Variants in GNL3 observed in about 807,000 individuals in gnomAD.
The protein encoded by GNL3 is G protein nucleolar 3.
GNL3 carries 77 observed loss-of-function variants against 70.6 expected under a neutral mutation model. The observed-to-expected ratio is 1.09, with a 90% CI of 0.91 to 1.32. GNL3 has a LOEUF of 1.32. Among genes scored for constraint, GNL3 ranks in the 40% most tolerant of loss-of-function variants. The pLI, the probability that GNL3 is intolerant of heterozygous loss-of-function variation, is 0.00. For synonymous variants in GNL3, 252 were observed against 216.1 expected (o/e 1.17, Z -1.46); for missense variants, 634 against 644.0 (o/e 0.98, Z 0.17).
Position 52,686,799 on chromosome 3 carries a change from G to T in GNL3, c.44G>T (p.Cys15Phe). The T allele has an allele frequency of 6.2e-7, 1 of 1,612,604 alleles. No homozygotes were observed. Among genetic ancestry groups the T allele is most frequent in the Non-Finnish European group, 8.5e-7 (1 of 1,178,598 alleles). The change falls in exon 2 of 15, where the codon TGC becomes TTC. Residue 15 changes from cysteine (C) to phenylalanine (F), a missense_variant. Transcript: ENST00000418458. ...KLKKASKRMT[C>F]HKRYKIQKKV... ...AAGAAAGCAAGTAAACGCATGACCT[G>T]CCATAAGCGGTATAAAATCCAAAAA...
chr3:52,687,077 C>A, intron 2 of GNL3, 169 bp from the exon 3 acceptor site: 2 of 648,066 alleles, frequency 3.1e-6, no homozygotes, highest in South Asian at 2.0e-5. Flanking sequence ...CAATTTCTTG[C>A]TGTTTTATAC....
intron 9 of GNL3, among the ~76,000 whole-genome samples, chr3:52,691,952 C>T (rs1425624719): frequency 1.3e-5 from 2 of 152,094 alleles, no homozygotes; most frequent in African/African-American, 2.4e-5. Flanking sequence ...CTGCCCGCCT[C>T]GGCCTCCCAA....
At position 52,688,144 on chromosome 3, in the gene GNL3, G is replaced by A; in HGVS notation, c.360G>A (p.Lys120=). The A allele has an allele frequency of 6.2e-7, 1 of 1,612,120 alleles. No individual in the cohort carries two copies. Residue 120 remains lysine, a synonymous_variant, in exon 5 of 15, where the codon AAG becomes AAA. Transcript: ENST00000418458. ...FGLCKTENKA[K]SGKQNSKKLY... ...TTTGCAAAACTGAGAACAAAGCCAA[G>A]TCGGGCAAACAGAATTCAAAGAAGC...
chr3:52,686,301 A>G (rs1283608183), intron 1 of GNL3, 196 bp downstream of exon 1: 3 of 627,116 alleles, frequency 4.8e-6, no homozygotes, highest in Non-Finnish European at 8.4e-6. Context: ...GCGCGGGCTC[A>G]TTCTGCGGAA....
At chr3:52,687,696 A>G (rs2097322750) in intron 4 of GNL3, 81 bp downstream of exon 4, 1 of 791,494 alleles carries the variant, frequency 1.3e-6, no homozygotes, top group Non-Finnish European at 2.1e-6. Context: ...GCAGTGGCAC[A>G]ATCACAACTC....
intron 2 of GNL3, 121 bp downstream of exon 2, chr3:52,686,948 G>T: frequency 2.8e-6 from 2 of 713,610 alleles, no homozygotes; most frequent in East Asian, 2.7e-5. Context: ...TGGATAGACT[G>T]ACCATGGGCA....
At position 52,694,279 on chromosome 3, in the gene GNL3, A is replaced by C. The variant is rs2097330558; in HGVS notation, c.*4A>C. 3 of 1,451,342 alleles carry C rather than the reference A, an allele frequency of 2.1e-6. No individual in the cohort carries two copies. The highest frequency in any genetic ancestry group is 2.9e-6 in the Non-Finnish European group (3 of 1,047,442). The allele number at this position is 1,451,342 out of a possible 1,614,324, so 89.9% of individuals were successfully genotyped here. A position where few individuals can be genotyped will look rare whatever the true frequency, so the allele number is the denominator to read the frequency against. ...CTTCAGTACAGATTATGTGTAACAGAACAATGGCTTTTTATGATTTTTTTT... is the reference window on the plus strand; with the variant it reads ...CTTCAGTACAGATTATGTGTAACAGCACAATGGCTTTTTATGATTTTTTTT... On this transcript the variant is annotated 3_prime_UTR_variant, in exon 15 of 15. Transcript: ENST00000418458.
Position 52,692,976 on chromosome 3 carries a change from C to T in GNL3, c.974C>T (p.Pro325Leu), listed in dbSNP as rs552925568. ...NSSSALALRS[P>L]ASIEVVKPME... Reference sequence around the variant, plus strand: ...TCCTCTGCGCTTGCTCTGCGAAGTCCAGCAAGTATTGAAGTAGTAAAACCG... The same window carrying T: ...TCCTCTGCGCTTGCTCTGCGAAGTCTAGCAAGTATTGAAGTAGTAAAACCG... Residue 325 changes from proline to leucine, a missense_variant, in exon 10 of 15, where the codon CCA (proline) becomes CTA (leucine). Physicochemically the swap from Pro to Leu is moderately conservative, Grantham distance 98. Coordinates refer to ENST00000418458, the MANE Select transcript of GNL3 (RefSeq NM_014366.5). 6.2e-7 allele frequency: 1 copy of T among 1,613,990 alleles called. No homozygotes were observed. The highest frequency in any genetic ancestry group is 1.3e-5 in the African/African-American group (1 of 75,036).
At position 52,686,091 on chromosome 3, in the gene GNL3, A is replaced by C. The variant is rs1247340002; in HGVS notation, c.-2A>C. The C allele has an allele frequency of 7.0e-7, 1 of 1,434,216 alleles. No homozygotes were observed. Among genetic ancestry groups the C allele is most frequent in the African/African-American group, 1.4e-5 (1 of 71,614 alleles). The allele number at this position is 1,434,216 out of a possible 1,614,324, so 88.8% of individuals were successfully genotyped here. A position where few individuals can be genotyped will look rare whatever the true frequency, so the allele number is the denominator to read the frequency against. ...GTGTTTGTGCTTCCTTCTACAGCCA[A>C]TATGAAAAGGCCTAGTAAGTGGGGT... On this transcript the variant is annotated 5_prime_UTR_variant, in exon 1 of 15. Transcript: ENST00000418458.
In GNL3 at chr3:52,693,617, T is replaced by C. The variant is rs2097329630; in HGVS notation, c.1325-15T>C. ...GAGCTCTTACCTGTTTACATGGGCT[T>C]GCTTTCTTTCCCAGCCATCAAGGGC... On this transcript the variant is annotated splice_polypyrimidine_tract_variant and intron_variant, in intron 12 of 14. Coordinates refer to ENST00000418458, the MANE Select transcript of GNL3 (RefSeq NM_014366.5). 6.2e-7 allele frequency: 1 copy of C among 1,613,782 alleles called. No homozygotes were observed. The highest frequency in any genetic ancestry group is 2.2e-5 in the East Asian group (1 of 44,894).
rs2097323093 is a variant in GNL3 at position 52,687,753 on chromosome 3, C to T, written c.324+138C>T. 5 of 623,726 alleles carry T rather than the reference C, an allele frequency of 8.0e-6. No homozygotes were observed. In the East Asian group the frequency reaches 1.4e-4, roughly 17 times the overall value. The allele number at this position is 623,726 out of a possible 1,614,324, so 38.6% of individuals were successfully genotyped here. A position where few individuals can be genotyped will look rare whatever the true frequency, so the allele number is the denominator to read the frequency against. On this transcript the variant is annotated intron_variant, in intron 4 of 14. Coordinates refer to ENST00000418458, the MANE Select transcript of GNL3 (RefSeq NM_014366.5). ...GCTCAAGCAGTCTTACCACCTCAGT[C>T]TCCAAGTAGCTGGGACTACAGAAGC...
intron 9 of GNL3, among the ~76,000 whole-genome samples, chr3:52,692,232 T>C (rs899867172): frequency 2.6e-5 from 4 of 152,134 alleles, no homozygotes; most frequent in African/African-American, 9.7e-5. Context: ...GTATTTTTAA[T>C]AGAGATGGGG....
chr3:52,689,858 A>C (rs1472243481), intron 6 of GNL3, among the ~76,000 whole-genome samples: 1 of 152,186 alleles, frequency 6.6e-6, no homozygotes, highest in Admixed American at 6.5e-5. Flanking sequence ...AGGCTGAGGC[A>C]GGAGAATTGC....
Position 52,694,059 on chromosome 3 carries a change from C to T in GNL3, c.1523C>T (p.Ala508Val). The T allele has an allele frequency of 6.2e-7, 1 of 1,613,894 alleles. No individual in the cohort carries two copies. The highest frequency in any genetic ancestry group is 8.5e-7 in the Non-Finnish European group (1 of 1,179,750). Residue 508 changes from alanine (A) to valine (V), a missense_variant, in exon 14 of 15, where the codon GCT becomes GTT. By Grantham distance (64) the Ala-to-Val change is moderately conservative. Transcript: ENST00000418458. Reference sequence around the variant, plus strand: ...CAGGAAAACAGCTCAGGCATGTTTGCTGCAGAAGAGACAGGGGAGGCACTG... The same window carrying T: ...CAGGAAAACAGCTCAGGCATGTTTGTTGCAGAAGAGACAGGGGAGGCACTG... Reference protein sequence around the residue: ...EVDENSSGMFAAEETGEALSE... With the variant: ...EVDENSSGMFVAEETGEALSE...
Position 52,688,128 on chromosome 3 carries a change from C to A in GNL3, c.344C>A (p.Thr115Asn). ...PMEKEFGLCK[T>N]ENKAKSGKQN... is the part of the protein sequence containing the mutation. ...CTCTAGGAGTTTGGGCTTTGCAAAA[C>A]TGAGAACAAAGCCAAGTCGGGCAAA... is the stretch of plus-strand genomic sequence containing the variant. The change falls in exon 5 of 15, where the codon ACT (threonine) becomes AAT (asparagine). Residue 115 changes from threonine (T) to asparagine (N), a missense_variant. Thr to Asn is a moderately conservative substitution (Grantham distance 65). Transcript: ENST00000418458. 6.2e-7 allele frequency: 1 copy of A among 1,609,006 alleles called. No homozygotes were observed. The highest frequency in any genetic ancestry group is 8.5e-7 in the Non-Finnish European group (1 of 1,175,282).
At chr3:52,691,106 T>C in intron 8 of GNL3, 35 bp downstream of exon 8, 1 of 1,594,138 alleles carries the variant, frequency 6.3e-7, no homozygotes. Flanking sequence ...ACTTTTTAAG[T>C]GTTGAAATAG....
chr3:52,686,040 C>A lies in GNL3; in HGVS notation c.-53C>A. ...CGCTCGTCAGTGGCTTCAGTTCACA[C>A]GTGGCGCCAGCGGAGGCAGGTTGAT... On this transcript the variant is annotated 5_prime_UTR_variant, in exon 1 of 15. Coordinates refer to ENST00000418458, the MANE Select transcript of GNL3 (RefSeq NM_014366.5). The A allele has an allele frequency of 1.1e-6, 1 of 873,350 alleles. No individual in the cohort carries two copies. Among genetic ancestry groups the A allele is most frequent in the Non-Finnish European group, 2.0e-6 (1 of 503,008 alleles). The allele number at this position is 873,350 out of a possible 1,614,324, so 54.1% of individuals were successfully genotyped here.
At position 52,689,442 on chromosome 3, in the gene GNL3, TA is replaced by T. The variant is rs2097325196; in HGVS notation, c.541+238del. 3 of 577,268 alleles carry T rather than the reference TA, an allele frequency of 5.2e-6. No homozygotes were observed. In the East Asian group the frequency reaches 1.0e-4, roughly 20 times the overall value. The allele number at this position is 577,268 out of a possible 1,614,324, so 35.8% of individuals were successfully genotyped here. A position where few individuals can be genotyped will look rare whatever the true frequency, so the allele number is the denominator to read the frequency against. ...TTTACCATCTTTTAAATAAAGAGTG[TA>T]AGCTGCTATACCCAGCTTATTGTGT... On this transcript the variant is annotated intron_variant, in intron 6 of 14. Transcript: ENST00000418458.
chr3:52,691,701 GATT>G, intron 9 of GNL3, 72 bp downstream of exon 9: 2 of 672,234 alleles, frequency 3.0e-6, no homozygotes, highest in Non-Finnish European at 5.0e-6. Flanking sequence ...CAAGGAAGGT[GATT>G]TTTTTTTTTT....
Sources: allele counts gnomAD v4.1 joint callset (sites outside exome capture counted in the v4.1 genomes callset), GRCh38; gene constraint gnomAD v4.1.1; transcripts MANE v1.5; gene names NCBI Gene and HGNC (gene_info 2026-07-23, HGNC 2026-07-21).